The following PPM1L variants were observed in gnomAD, a reference collection of about 807,000 sequenced individuals.
PPM1L encodes protein phosphatase, Mg2+/Mn2+ dependent 1L, also known as protein phosphatase 1L.
Under a neutral mutation model 31.4 loss-of-function variants are expected in PPM1L, and 13 were observed. That is an observed-to-expected ratio of 0.41 (90% confidence interval 0.27 to 0.66). The LOEUF (loss-of-function observed/expected upper bound fraction) is 0.66. Ranked by LOEUF, PPM1L falls within the 30% of genes least tolerant of loss-of-function variation. PPM1L has a pLI of 0.29. For synonymous variants in PPM1L, 184 were observed against 175.4 expected (o/e 1.05, Z -0.39); for missense variants, 326 against 453.7 (o/e 0.72, Z 2.56).
intron 1 of PPM1L, among the ~76,000 whole-genome samples, chr3:160,937,337 G>C (rs1715005244): frequency 6.6e-6 from 1 of 151,962 alleles, no homozygotes. Context: ...AACCATGTAA[G>C]AGGCCAGGCG....
intron 2 of PPM1L, among the ~76,000 whole-genome samples, chr3:160,970,305 A>G (rs1344209444): frequency 6.6e-6 from 1 of 152,188 alleles, no homozygotes; most frequent in Non-Finnish European, 1.5e-5. Context: ...CTAGCCATGT[A>G]TAATAACAGT....
In PPM1L at chr3:160,955,746, G is replaced by A. The variant is rs577991187; in HGVS notation, c.400-5990G>A. On this transcript the variant is annotated intron_variant, in intron 1 of 3. Coordinates refer to ENST00000498165, the MANE Select transcript of PPM1L (RefSeq NM_139245.4). ...GCTCACTGCAAGCTCCGCCTCCTGGGTTCACGCCATTCTCCTGCCTCAGCC... is the reference window on the plus strand; with the variant it reads ...GCTCACTGCAAGCTCCGCCTCCTGGATTCACGCCATTCTCCTGCCTCAGCC... Among the ~76,000 whole-genome samples, 5 of 151,750 alleles carry A rather than the reference G, an allele frequency of 3.3e-5. No homozygotes were observed. The South Asian group carries it at 1.0e-3, about 32-fold the overall frequency.
intron 1 of PPM1L, among the ~76,000 whole-genome samples, chr3:160,852,062 C>T (rs1442248138): frequency 1.3e-5 from 2 of 152,092 alleles, no homozygotes; most frequent in African/African-American, 4.8e-5. Flanking sequence ...ATCTTCAGGG[C>T]GAATGAAGAT....
chr3:160,981,418 A>G (rs1201543914), intron 2 of PPM1L, among the ~76,000 whole-genome samples: 3 of 152,178 alleles, frequency 2.0e-5, no homozygotes, highest in Non-Finnish European at 4.4e-5. Context: ...CTCTTGCCAC[A>G]TGGCTTCCCT....
chr3:161,076,913 G>T lies in PPM1L; in HGVS notation c.*7756G>T, dbSNP rs1041860974. ...TTTATAACAGATTGATCAATCTTAT[G>T]AACAGATTACATTGGGAAAGTCACT... On this transcript the variant is annotated 3_prime_UTR_variant, in exon 4 of 4. Transcript: ENST00000498165. The T allele has an allele frequency of 6.6e-6, 1 of 152,206 alleles. No individual in the cohort carries two copies. Among genetic ancestry groups the T allele is most frequent in the African/African-American group, 2.4e-5 (1 of 41,452 alleles). 9.4% of individuals were successfully genotyped at this position (152,206 alleles called of 1,614,324 possible). A position where few individuals can be genotyped will look rare whatever the true frequency, so the allele number is the denominator to read the frequency against.
At chr3:160,913,489 T>C (rs915964015) in intron 1 of PPM1L, among the ~76,000 whole-genome samples, 1 of 152,190 alleles carries the variant, frequency 6.6e-6, no homozygotes, top group Non-Finnish European at 1.5e-5. Flanking sequence ...GCTGTATAAA[T>C]ACCACCACTA....
intron 1 of PPM1L, among the ~76,000 whole-genome samples, chr3:160,847,723 G>A (rs1714126063): frequency 6.6e-6 from 1 of 152,100 alleles, no homozygotes; most frequent in Non-Finnish European, 1.5e-5. Flanking sequence ...CCCAACAAAT[G>A]CCCAAGCCTT....
intron 1 of PPM1L, among the ~76,000 whole-genome samples, chr3:160,901,760 A>T (rs1338545245): frequency 6.6e-6 from 1 of 152,136 alleles, no homozygotes; most frequent in Non-Finnish European, 1.5e-5. Context: ...AGTATTTTAC[A>T]TCCTCATTCT....
chr3:160,834,513 G>GTGTT (rs1335932360), intron 1 of PPM1L, among the ~76,000 whole-genome samples: 2 of 139,292 alleles, frequency 1.4e-5, no homozygotes, highest in African/African-American at 5.5e-5. Context: ...GTGTGTGTGT[G>GTGTT]GTTGTGTGTA....
At chr3:160,801,416 T>G (rs920499791) in intron 1 of PPM1L, among the ~76,000 whole-genome samples, 3 of 152,208 alleles carry the variant, frequency 2.0e-5, no homozygotes, top group Non-Finnish European at 4.4e-5. Flanking sequence ...AGAGAAGTAG[T>G]AACCTGGGAC....
intron 1 of PPM1L, among the ~76,000 whole-genome samples, chr3:160,947,230 C>T (rs1007343231): frequency 6.6e-6 from 1 of 152,142 alleles, no homozygotes; most frequent in Non-Finnish European, 1.5e-5. Context: ...TTGGTTTTAG[C>T]TGGGCAAATG....
chr3:160,863,054 T>C (rs1711960438), intron 1 of PPM1L, among the ~76,000 whole-genome samples: 2 of 152,234 alleles, frequency 1.3e-5, no homozygotes, highest in African/African-American at 4.8e-5. Flanking sequence ...ACACAATACC[T>C]GTGTGGCTTT....
intron 2 of PPM1L, among the ~76,000 whole-genome samples, chr3:161,045,290 C>T (rs568225217): frequency 1.0e-3 from 152 of 152,294 alleles, no homozygotes; most frequent in Non-Finnish European, 1.7e-3. Flanking sequence ...ATCTACAGAG[C>T]GCTCCACCAC....
rs186948412 is a variant in PPM1L at position 160,963,526 on chromosome 3, G to A, written c.574+1616G>A. Reference sequence around the variant, plus strand: ...ACTAAATACACCCTGTAATATCTTCGCGTTATTAAAGTTAAGATGAAATGT... The same window carrying A: ...ACTAAATACACCCTGTAATATCTTCACGTTATTAAAGTTAAGATGAAATGT... On this transcript the variant is annotated intron_variant, in intron 2 of 3. Transcript: ENST00000498165. Among the ~76,000 whole-genome samples the A allele has an allele frequency of 2.0e-3, 309 of 152,114 alleles. 5 individuals are homozygous for A. The highest frequency in any genetic ancestry group is 3.4e-3 in the Non-Finnish European group (234 of 67,978).
chr3:160,941,686 G>C (rs1352311402), intron 1 of PPM1L, among the ~76,000 whole-genome samples: 1 of 152,090 alleles, frequency 6.6e-6, no homozygotes, highest in African/African-American at 2.4e-5. Context: ...CCAGTCTCGG[G>C]TATGTTTTTA....
intron 2 of PPM1L, among the ~76,000 whole-genome samples, chr3:161,045,727 C>A (rs1279823227): frequency 6.6e-6 from 1 of 152,026 alleles, no homozygotes; most frequent in Non-Finnish European, 1.5e-5. Context: ...GAAGCAAGAG[C>A]AAACACATTC....
In PPM1L at chr3:161,076,657, A is replaced by G. The variant is rs1191227176; in HGVS notation, c.*7500A>G. ...AGTTCAGGTCACAGAATTGAAATCT[A>G]TTTGATAATGTCTCAGCATTCTCAT... On this transcript the variant is annotated 3_prime_UTR_variant, in exon 4 of 4. Transcript: ENST00000498165. 6.6e-6 allele frequency: 1 copy of G among 152,096 alleles called. No homozygotes were observed. The highest frequency in any genetic ancestry group is 1.5e-5 in the Non-Finnish European group (1 of 68,014). The allele number at this position is 152,096 out of a possible 1,614,324, so 9.4% of individuals were successfully genotyped here.
At chr3:160,973,941 T>A (rs1280384170) in intron 2 of PPM1L, among the ~76,000 whole-genome samples, 3 of 150,724 alleles carry the variant, frequency 2.0e-5, no homozygotes, top group Non-Finnish European at 4.4e-5. Context: ...TACATATGTA[T>A]ACATGTGCCA....
chr3:160,844,926 A>G (rs1714027508), intron 1 of PPM1L, among the ~76,000 whole-genome samples: 1 of 151,952 alleles, frequency 6.6e-6, no homozygotes, highest in Non-Finnish European at 1.5e-5. Flanking sequence ...TGTCCCCCCA[A>G]CCTAGGCAAA....
Sources: allele counts gnomAD v4.1 joint callset (sites outside exome capture counted in the v4.1 genomes callset), GRCh38; gene constraint gnomAD v4.1.1; transcripts MANE v1.5; gene names NCBI Gene and HGNC (gene_info 2026-07-23, HGNC 2026-07-21).